TNIK: variants seen among roughly 807,000 people sequenced by gnomAD.
The protein encoded by TNIK is TRAF2 and NCK-interacting protein kinase.
TNIK carries 49 observed loss-of-function variants against 191.3 expected under a neutral mutation model. That is an observed-to-expected ratio of 0.26 (90% CI 0.20 to 0.32). The LOEUF is 0.32. Among genes scored for constraint, TNIK ranks in the 10% least tolerant of loss-of-function variants. The probability of loss-of-function intolerance (pLI) is 1.00; values close to 1 mark genes in which losing one functional copy is unlikely to be tolerated. For missense variants in TNIK, 1,155 were observed against 1,702.3 expected (o/e 0.68, Z 5.66); for synonymous variants, 594 against 600.9 (o/e 0.99, Z 0.17).
chr3:171,205,060 G>C (rs559754901), intron 4 of TNIK, among the ~76,000 whole-genome samples: 1 of 152,318 alleles, frequency 6.6e-6, no homozygotes, highest in South Asian at 2.1e-4. Context: ...CCCATGGTAA[G>C]CAGGTGATAA....
At chr3:171,190,808 G>GA in intron 5 of TNIK, 21 bp from the exon 6 acceptor site, 1 of 1,560,646 alleles carries the variant, frequency 6.4e-7, no homozygotes, top group Non-Finnish European at 8.7e-7. Flanking sequence ...GGAGAGTTAA[G>GA]AAGGGTTAAT....
chr3:171,285,510 TA>T (rs1402904115), intron 2 of TNIK, among the ~76,000 whole-genome samples: 1 of 152,216 alleles, frequency 6.6e-6, no homozygotes, highest in Non-Finnish European at 1.5e-5. Flanking sequence ...ATGACTAAGT[TA>T]ATTGACACTC....
chr3:171,305,126 C>T (rs185522684), intron 2 of TNIK, among the ~76,000 whole-genome samples: 2,135 of 149,126 alleles, frequency 0.014, 35 homozygotes, highest in Non-Finnish European at 0.018. Context: ...GAAAACAGTG[C>T]TAATAAACAC....
chr3:171,455,451 T>G (rs991832640), intron 1 of TNIK, among the ~76,000 whole-genome samples: 5 of 151,078 alleles, frequency 3.3e-5, no homozygotes, highest in African/African-American at 1.2e-4. Flanking sequence ...ACATTGCCCA[T>G]GATGATCTGA....
intron 7 of TNIK, among the ~76,000 whole-genome samples, chr3:171,184,217 T>G (rs562606093): frequency 1.3e-5 from 2 of 152,290 alleles, no homozygotes; most frequent in African/African-American, 4.8e-5. Context: ...AAGGACTGAC[T>G]CTTATTAATT....
intron 12 of TNIK, among the ~76,000 whole-genome samples, chr3:171,145,280 GTA>G (rs1731397057): frequency 1.3e-5 from 2 of 152,000 alleles, no homozygotes; most frequent in Non-Finnish European, 2.9e-5. Context: ...TAGAGACGGG[GTA>G]TCACCGTGTT....
At chr3:171,113,298 G>T (rs1161729459) in intron 18 of TNIK, among the ~76,000 whole-genome samples, 1 of 151,874 alleles carries the variant, frequency 6.6e-6, no homozygotes, top group Non-Finnish European at 1.5e-5. Flanking sequence ...GACGATTTTT[G>T]GATAATTATT....
At chr3:171,430,794 T>C (rs952541388) in intron 1 of TNIK, among the ~76,000 whole-genome samples, 1 of 152,122 alleles carries the variant, frequency 6.6e-6, no homozygotes, top group African/African-American at 2.4e-5. Flanking sequence ...ATCTTATTAA[T>C]TGGATGAGAA....
At chr3:171,270,190 G>T (rs888308277) in intron 2 of TNIK, among the ~76,000 whole-genome samples, 1 of 152,126 alleles carries the variant, frequency 6.6e-6, no homozygotes, top group African/African-American at 2.4e-5. Flanking sequence ...CCACAGTTGG[G>T]TAGGTCACTC....
chr3:171,395,491 A>T (rs1720102188), intron 1 of TNIK, among the ~76,000 whole-genome samples: 1 of 152,214 alleles, frequency 6.6e-6, no homozygotes, highest in African/African-American at 2.4e-5. Flanking sequence ...AGCCTACATT[A>T]TATGTCCCAT....
intron 23 of TNIK, among the ~76,000 whole-genome samples, chr3:171,093,197 G>A (rs1722284797): frequency 6.6e-6 from 1 of 152,148 alleles, no homozygotes; most frequent in Non-Finnish European, 1.5e-5. Context: ...TTTCTGGTTA[G>A]CATGGACACA....
intron 23 of TNIK, 148 bp from the exon 24 acceptor site, chr3:171,087,654 A>T: frequency 4.3e-6 from 4 of 937,986 alleles, no homozygotes; most frequent in Non-Finnish European, 6.3e-6. Context: ...ATTTTACTTA[A>T]GAAAACAAAA....
At chr3:171,303,227 GAAAA>G (rs1261661534) in intron 2 of TNIK, among the ~76,000 whole-genome samples, 2 of 151,352 alleles carry the variant, frequency 1.3e-5, no homozygotes, top group African/African-American at 4.8e-5. Context: ...TTACTACTAG[GAAAA>G]AAAAATTTAA....
intron 18 of TNIK, among the ~76,000 whole-genome samples, chr3:171,115,912 C>T (rs1439347336): frequency 6.6e-6 from 1 of 152,200 alleles, no homozygotes; most frequent in Non-Finnish European, 1.5e-5. Flanking sequence ...AGCCTACATC[C>T]TGACTGGGCT....
intron 1 of TNIK, among the ~76,000 whole-genome samples, chr3:171,377,524 G>A (rs536692133): frequency 6.6e-6 from 1 of 152,178 alleles, no homozygotes; most frequent in African/African-American, 2.4e-5. Context: ...AGGCATTATC[G>A]TTGTCATTGG....
intron 24 of TNIK, among the ~76,000 whole-genome samples, chr3:171,085,834 T>A (rs1483982187): frequency 6.6e-6 from 1 of 152,276 alleles, no homozygotes; most frequent in South Asian, 2.1e-4. Flanking sequence ...ATAATTACAT[T>A]TACATCCTTA....
chr3:171,359,811 T>G (rs1457825495), intron 2 of TNIK, among the ~76,000 whole-genome samples: 1 of 152,200 alleles, frequency 6.6e-6, no homozygotes. Context: ...ATGTTTCCCA[T>G]GTACAAAATA....
At chr3:171,279,918 T>TC (rs1750229220) in intron 2 of TNIK, among the ~76,000 whole-genome samples, 1 of 151,978 alleles carries the variant, frequency 6.6e-6, no homozygotes, top group South Asian at 2.1e-4. Context: ...TCTATCTTAC[T>TC]CCCCCAGGTA....
intron 2 of TNIK, among the ~76,000 whole-genome samples, chr3:171,325,321 T>C (rs1232820081): frequency 6.6e-6 from 1 of 152,092 alleles, no homozygotes; most frequent in Admixed American, 6.5e-5. Context: ...TGCTGACTAG[T>C]GGCTACGTCT....
Sources: allele counts gnomAD v4.1 joint callset (sites outside exome capture counted in the v4.1 genomes callset), GRCh38; gene constraint gnomAD v4.1.1; transcripts MANE v1.5; gene names NCBI Gene and HGNC (gene_info 2026-07-23, HGNC 2026-07-21).